Variants in CSDE1 observed in about 807,000 individuals in gnomAD.
CSDE1 encodes cold shock domain-containing protein E1.
In CSDE1, 17 loss-of-function variants were observed where a neutral mutation model predicts 89.3. That is an observed-to-expected ratio of 0.19 (90% CI 0.13 to 0.29). The LOEUF (loss-of-function observed/expected upper bound fraction) is 0.29, where lower values mean the gene tolerates loss of function less well. Ranked by LOEUF, CSDE1 falls within the 10% of genes least tolerant of loss-of-function variation. The pLI is 1.00. For synonymous variants in CSDE1, 322 were observed against 332.8 expected, an observed-to-expected ratio of 0.97 and a Z score of 0.35; for missense variants, 672 against 984.2, an observed-to-expected ratio of 0.68 and a Z score of 4.24.
At position 114,753,420 on chromosome 1, in the gene CSDE1, T is replaced by C. The variant is rs896922218; in HGVS notation, c.-387-3213A>G. ...CGAATTAACATCTTCACAGCTTCTA[T>C]AGTTAACTAAATGTTTTTCAATTAA... On this transcript the variant is annotated intron_variant, in intron 1 of 19. Coordinates refer to ENST00000358528, the MANE Select transcript of CSDE1 (RefSeq NM_001007553.3). Among the ~76,000 whole-genome samples the C allele has an allele frequency of 5.3e-5, 8 of 152,252 alleles. 1 individual carries two copies. The South Asian group carries it at 1.7e-3, about 31-fold the overall frequency.
At chr1:114,720,417 G>T in intron 17 of CSDE1, 122 bp downstream of exon 17, 1 of 927,654 alleles carries the variant, frequency 1.1e-6, no homozygotes, top group Non-Finnish European at 1.6e-6. Context: ...CTGAAAAAAG[G>T]TGAAGTAGAA....
chr1:114,724,091 T>C (rs1392531478), intron 15 of CSDE1, 89 bp from the exon 16 acceptor site: 29 of 1,439,040 alleles, frequency 2.0e-5, no homozygotes, highest in Non-Finnish European at 2.5e-5. Flanking sequence ...AGCACAAATG[T>C]TAACAGGGTA....
chr1:114,725,733 T>G (rs1187210364), intron 14 of CSDE1, among the ~76,000 whole-genome samples: 1 of 152,144 alleles, frequency 6.6e-6, no homozygotes, highest in Non-Finnish European at 1.5e-5. Flanking sequence ...CCTCCCAGGA[T>G]CAAGTGGTCC....
Position 114,731,386 on chromosome 1 carries a change from A to T in CSDE1, c.1051-738T>A, listed in dbSNP as rs548819915. 3.4e-5 allele frequency among the ~76,000 whole-genome samples: 5 copies of T among 148,202 alleles called. No homozygotes were observed. The East Asian group carries it at 9.7e-4, about 29-fold the overall frequency. On this transcript the variant is annotated intron_variant, in intron 10 of 19. Transcript: ENST00000358528. ...AAGCAAAACAGATCTTGCCTTTGAA[A>T]ATGTAAAAAAAAAAAAAAAAATCAC...
intron 1 of CSDE1, among the ~76,000 whole-genome samples, chr1:114,751,019 A>G (rs1003529105): frequency 6.6e-6 from 1 of 152,196 alleles, no homozygotes; most frequent in Admixed American, 6.5e-5. Flanking sequence ...GTGAAATAGG[A>G]TATGTAGTGT....
At chr1:114,754,363 C>G (rs7544776) in intron 1 of CSDE1, among the ~76,000 whole-genome samples, 9 of 152,162 alleles carry the variant, frequency 5.9e-5, no homozygotes, top group Non-Finnish European at 1.0e-4. Context: ...ATGACATAGT[C>G]GGCACTAAAT....
At chr1:114,727,519 TATA>T (rs1483487440) in intron 12 of CSDE1, among the ~76,000 whole-genome samples, 1 of 152,200 alleles carries the variant, frequency 6.6e-6, no homozygotes, top group Non-Finnish European at 1.5e-5. Flanking sequence ...GTATTTAATA[TATA>T]ATGTCAATCA....
intron 17 of CSDE1, chr1:114,720,108 G>T (rs1278371317): frequency 3.6e-5 from 8 of 219,590 alleles, no homozygotes; most frequent in Non-Finnish European, 5.4e-5. Flanking sequence ...TCTCTGTACT[G>T]ATGAAAAACA....
chr1:114,728,258 G>C lies in CSDE1; in HGVS notation c.1357-1168C>G, dbSNP rs374712515. On this transcript the variant is annotated intron_variant, in intron 12 of 19. Transcript: ENST00000358528. ...ATCCAGAGGATTTGAGTTTGGTTAAGAACAATGTCAGTGAACTCAGGTCTG... is the reference window on the plus strand; with the variant it reads ...ATCCAGAGGATTTGAGTTTGGTTAACAACAATGTCAGTGAACTCAGGTCTG... Among the ~76,000 whole-genome samples, 11 of 152,258 alleles carry C rather than the reference G, an allele frequency of 7.2e-5. No individual in the cohort carries two copies. In the East Asian group the frequency reaches 1.9e-3, roughly 27 times the overall value.
intron 2 of CSDE1, among the ~76,000 whole-genome samples, chr1:114,742,874 A>C (rs1262748723): frequency 6.6e-6 from 1 of 152,232 alleles, no homozygotes; most frequent in Non-Finnish European, 1.5e-5. Flanking sequence ...TTAAACACTT[A>C]AAAACCAGCA....
chr1:114,724,855 T>A (rs893410296), intron 15 of CSDE1, among the ~76,000 whole-genome samples: 7 of 152,128 alleles, frequency 4.6e-5, no homozygotes, highest in Non-Finnish European at 8.8e-5. Flanking sequence ...CCCAAGTAAC[T>A]GTGACTACAG....
At chr1:114,729,764 AAGG>A (rs1179907244) in intron 12 of CSDE1, among the ~76,000 whole-genome samples, 3 of 152,216 alleles carry the variant, frequency 2.0e-5, no homozygotes, top group Non-Finnish European at 4.4e-5. Context: ...ATTAACTTGA[AAGG>A]AGAATTCATC....
rs1424539918 is a variant in CSDE1, at chr1:114,734,136, C to T, written c.583-19G>A. ...ATGCCTCCTGAAGCAAAATAAAAAA[C>T]CAAGAACATTATTACCACTCTGTAC... is the stretch of plus-strand genomic sequence containing the variant. On this transcript the variant is annotated intron_variant, in intron 7 of 19. Coordinates refer to ENST00000358528, the MANE Select transcript of CSDE1 (RefSeq NM_001007553.3). 2.5e-6 allele frequency: 4 copies of T among 1,600,430 alleles called. No individual in the cohort carries two copies. Among genetic ancestry groups the T allele is most frequent in the Non-Finnish European group, 3.4e-6 (4 of 1,176,834 alleles).
At chr1:114,732,528 A>C in intron 10 of CSDE1, 76 bp downstream of exon 10, 1 of 1,389,040 alleles carries the variant, frequency 7.2e-7, no homozygotes, top group East Asian at 2.3e-5. Flanking sequence ...GAAAAATTTT[A>C]ATTTAGTAGT....
At chr1:114,752,584 A>G (rs925821489) in intron 1 of CSDE1, among the ~76,000 whole-genome samples, 4 of 152,192 alleles carry the variant, frequency 2.6e-5, no homozygotes, top group African/African-American at 9.7e-5. Context: ...CAGTTCTACC[A>G]GAAGTCCATT....
In CSDE1 at chr1:114,750,935, G is replaced by A. The variant is rs1043925507; in HGVS notation, c.-387-728C>T. ...TGAAGTCTTCTGCATGAATGCCTGT[G>A]GCAACATGTGTGGCTTGTTGTTTCA... On this transcript the variant is annotated intron_variant, in intron 1 of 19. Coordinates refer to ENST00000358528, the MANE Select transcript of CSDE1 (RefSeq NM_001007553.3). Among the ~76,000 whole-genome samples, 4 of 152,188 alleles carry A rather than the reference G, an allele frequency of 2.6e-5. No individual in the cohort carries two copies. In the East Asian group the frequency reaches 7.7e-4, roughly 29 times the overall value.
intron 7 of CSDE1, 23 bp downstream of exon 7, chr1:114,734,419 A>C (rs975813222): frequency 1.2e-6 from 2 of 1,603,094 alleles, no homozygotes; most frequent in African/African-American, 2.7e-5. Context: ...AGAAAACTCA[A>C]GTTTCTCAAA....
At chr1:114,735,785 AAAT>A (rs143696048) in intron 6 of CSDE1, among the ~76,000 whole-genome samples, 21,509 of 152,092 alleles carry the variant, frequency 0.14, 2,091 homozygotes, top group Non-Finnish European at 0.21. Context: ...GCCAAGATAA[AAAT>A]AATATTCTCC....
chr1:114,736,711 G>T, intron 6 of CSDE1, 47 bp downstream of exon 6: 2 of 1,075,830 alleles, frequency 1.9e-6, no homozygotes, highest in Non-Finnish European at 2.7e-6. Context: ...ATGGAGGGGG[G>T]AAAAAAAAAC....
Sources: gnomAD v4.1 joint callset for allele counts (sites outside exome capture counted in the v4.1 genomes callset) on GRCh38, gnomAD v4.1.1 for gene constraint, MANE v1.5 for transcripts, NCBI Gene and HGNC (gene_info 2026-07-23, HGNC 2026-07-21) for gene names.